The following BRIP1 variants were observed in gnomAD, a reference collection of about 807,000 sequenced individuals.
BRIP1 encodes the protein Fanconi anemia group J protein.
In BRIP1, 88 loss-of-function variants were observed where a neutral mutation model predicts 119.7. The observed-to-expected ratio is 0.74, with a 90% CI of 0.62 to 0.88. The LOEUF (loss-of-function observed/expected upper bound fraction) is 0.88. Ranked by LOEUF, BRIP1 falls within the 40% of genes least tolerant of loss-of-function variation. The pLI is 0.00. For synonymous variants in BRIP1, 443 were observed against 496.5 expected (o/e 0.89, Z 1.43); for missense variants, 1,259 against 1,455.4 (o/e 0.87, Z 2.20).
At chr17:61,719,583 G>C (rs988368701) in intron 16 of BRIP1, among the ~76,000 whole-genome samples, 2 of 151,874 alleles carry the variant, frequency 1.3e-5, no homozygotes, top group Non-Finnish European at 2.9e-5. Flanking sequence ...AAATTAGCCA[G>C]GTGTGGTGGC....
rs934386242 is a variant in BRIP1 at position 61,717,196 on chromosome 17, C to T, written c.2380-1133G>A. On this transcript the variant is annotated intron_variant, in intron 16 of 19. Transcript: ENST00000259008. This position sits in a 1 kb window ranked among gnomAD's most constrained non-coding sequence, Gnocchi z 4.1. The stretch of plus-strand genomic sequence containing the variant: ...GTTAACATCTTATATTACTATAGCT[C>T]ATGTCAAATTAAGAAATTAACATTA... 6.6e-6 allele frequency among the ~76,000 whole-genome samples: 1 copy of T among 152,022 alleles called. No individual in the cohort carries two copies. Among genetic ancestry groups the T allele is most frequent in the African/African-American group, 2.4e-5 (1 of 41,412 alleles).
rs2078761604 is a variant in BRIP1 at position 61,848,113 on chromosome 17, T to C, written c.508-893A>G. 1.3e-5 allele frequency among the ~76,000 whole-genome samples: 2 copies of C among 152,202 alleles called. No individual in the cohort carries two copies. Among genetic ancestry groups the C allele is most frequent in the Non-Finnish European group, 2.9e-5 (2 of 68,030 alleles). ...CTTCAAGAACCTTGAGTATACTCAA[T>C]TAAAAGTACCCAGTTACTTACCTAC... On this transcript the variant is annotated intron_variant, in intron 5 of 19. Transcript: ENST00000259008. This position sits in a 1 kb window ranked among gnomAD's most constrained non-coding sequence, Gnocchi z 4.3.
At chr17:61,787,754 C>T (rs919271556) in intron 10 of BRIP1, among the ~76,000 whole-genome samples, 3 of 152,108 alleles carry the variant, frequency 2.0e-5, no homozygotes, top group African/African-American at 4.8e-5. Context: ...GCGCCATTCT[C>T]CTGCCTCAGC....
At position 61,804,410 on chromosome 17, in the gene BRIP1, ATGTGTGTG is replaced by A. The variant is rs71153405; in HGVS notation, c.919-2944_919-2937del. ...AAGACTTTGAGGCAGCTATATACAT[ATGTGTGTG>A]TGTGTGTGTGTGTGTGTGTGTGTGT... On this transcript the variant is annotated intron_variant, in intron 7 of 19. Coordinates refer to ENST00000259008, the MANE Select transcript of BRIP1 (RefSeq NM_032043.3). This position sits in a 1 kb window ranked among gnomAD's most constrained non-coding sequence, Gnocchi z 4.5. 2.6e-4 allele frequency among the ~76,000 whole-genome samples: 33 copies of A among 125,500 alleles called. No homozygotes were observed. The highest frequency in any genetic ancestry group is 7.3e-4 in the African/African-American group (22 of 30,172). The allele number at this position is 125,500 out of a possible 152,430, so 82.3% of individuals were successfully genotyped here.
In BRIP1 at chr17:61,796,295, G is replaced by A. The variant is rs1374873296; in HGVS notation, c.1341-2566C>T. 6.6e-6 allele frequency among the ~76,000 whole-genome samples: 1 copy of A among 152,068 alleles called. No individual in the cohort carries two copies. Among genetic ancestry groups the A allele is most frequent in the Non-Finnish European group, 1.5e-5 (1 of 67,976 alleles). On this transcript the variant is annotated intron_variant, in intron 9 of 19. Transcript: ENST00000259008. The surrounding 1 kb of genome is among the most constrained non-coding windows in gnomAD (Gnocchi z 4.8). ...CTGTCCATTTTTGCTTTGGTTACCTGTGCTTGTGGGGTATTGCTCAAGAAG... is the reference window on the plus strand; with the variant it reads ...CTGTCCATTTTTGCTTTGGTTACCTATGCTTGTGGGGTATTGCTCAAGAAG...
rs1486532109 is a variant in BRIP1, at chr17:61,689,458, C to T, written c.2576-3293G>A. ...GGGCACCGTCAAGCTGACCAATATACACATTCTGGGAGTCCTAGAAAGAGA... is the reference window on the plus strand; with the variant it reads ...GGGCACCGTCAAGCTGACCAATATATACATTCTGGGAGTCCTAGAAAGAGA... On this transcript the variant is annotated intron_variant, in intron 18 of 19. Coordinates refer to ENST00000259008, the MANE Select transcript of BRIP1 (RefSeq NM_032043.3). This position sits in a 1 kb window ranked among gnomAD's most constrained non-coding sequence, Gnocchi z 4.5. Among the ~76,000 whole-genome samples, 2 of 151,926 alleles carry T rather than the reference C, an allele frequency of 1.3e-5. No individual in the cohort carries two copies. Among genetic ancestry groups the T allele is most frequent in the Non-Finnish European group, 2.9e-5 (2 of 68,004 alleles).
chr17:61,779,426 T>C (rs766215266), intron 13 of BRIP1, among the ~76,000 whole-genome samples: 5 of 151,758 alleles, frequency 3.3e-5, no homozygotes, highest in Non-Finnish European at 5.9e-5. Flanking sequence ...AAAGATAAAG[T>C]CTGGCCAAAA....
In BRIP1 at chr17:61,846,343, C is replaced by T. The variant is rs1303673698; in HGVS notation, c.627+758G>A. ...GTTTTACCCATTCTTGCTTTTGCGC[C>T]ACCAGTACAAATGTCAAGACAATCC... On this transcript the variant is annotated intron_variant, in intron 6 of 19. Coordinates refer to ENST00000259008, the MANE Select transcript of BRIP1 (RefSeq NM_032043.3). This position sits in a 1 kb window ranked among gnomAD's most constrained non-coding sequence, Gnocchi z 4.3. Among the ~76,000 whole-genome samples, 1 of 151,908 alleles carries T rather than the reference C, an allele frequency of 6.6e-6. No individual in the cohort carries two copies. The highest frequency in any genetic ancestry group is 2.4e-5 in the African/African-American group (1 of 41,382).
At chr17:61,765,384 TATA>T (rs2077342471) in intron 14 of BRIP1, among the ~76,000 whole-genome samples, 6 of 21,980 alleles carry the variant, frequency 2.7e-4, no homozygotes, top group Admixed American at 9.0e-4. Context: ...ATATATTATA[TATA>T]TATATATATA....
At chr17:61,716,095 G>A (rs1364712208) in intron 16 of BRIP1, 32 bp from the exon 17 acceptor site, 3 of 1,291,958 alleles carry the variant, frequency 2.3e-6, no homozygotes, top group Non-Finnish European at 3.2e-6. Context: ...TAAAAAATTA[G>A]TAGATAATTA....
Position 61,824,568 on chromosome 17 carries a change from G to GT in BRIP1, c.628-15812dup, listed in dbSNP as rs929961775. Reference sequence around the variant, plus strand: ...AAGACCATTCAATGGGAAAAGAACAGTTTTTTCAACAAATGGTGCAGGGAA... The same window carrying GT: ...AAGACCATTCAATGGGAAAAGAACAGTTTTTTTCAACAAATGGTGCAGGGAA... On this transcript the variant is annotated intron_variant, in intron 6 of 19. Coordinates refer to ENST00000259008, the MANE Select transcript of BRIP1 (RefSeq NM_032043.3). The surrounding 1 kb of genome is among the most constrained non-coding windows in gnomAD (Gnocchi z 4.3). Among the ~76,000 whole-genome samples, 1 of 152,054 alleles carries GT rather than the reference G, an allele frequency of 6.6e-6. No homozygotes were observed. The highest frequency in any genetic ancestry group is 2.4e-5 in the African/African-American group (1 of 41,408).
Position 61,748,072 on chromosome 17 carries a change from C to T in BRIP1, c.2098-3481G>A, listed in dbSNP as rs1356176680. The stretch of plus-strand genomic sequence containing the variant: ...ACATTTAAAGCAGGGGTCCCCAACC[C>T]CCAGGCCACAGAATACTGGTAGAAT... On this transcript the variant is annotated intron_variant, in intron 14 of 19. Transcript: ENST00000259008. The surrounding 1 kb of genome is among the most constrained non-coding windows in gnomAD (Gnocchi z 4.7). Among the ~76,000 whole-genome samples, 2 of 152,028 alleles carry T rather than the reference C, an allele frequency of 1.3e-5. No homozygotes were observed. The highest frequency in any genetic ancestry group is 3.9e-4 in the East Asian group (2 of 5,186).
rs1236532946 is a variant in BRIP1, at chr17:61,722,654, A to ACATTATAGTGGTCACTGTTC, written c.2380-6611_2380-6592dup. ...TTTCCTACACCATGGACAGACTGAT[A>ACATTATAGTGGTCACTGTTC]CATTATAGTGGTCACTGTTCCGAAG... On this transcript the variant is annotated intron_variant, in intron 16 of 19. Transcript: ENST00000259008. The surrounding 1 kb of genome is among the most constrained non-coding windows in gnomAD (Gnocchi z 4.6). Among the ~76,000 whole-genome samples the ACATTATAGTGGTCACTGTTC allele has an allele frequency of 6.6e-6, 1 of 152,202 alleles. No individual in the cohort carries two copies. Among genetic ancestry groups the ACATTATAGTGGTCACTGTTC allele is most frequent in the African/African-American group, 2.4e-5 (1 of 41,454 alleles).
intron 17 of BRIP1, among the ~76,000 whole-genome samples, chr17:61,702,905 C>T (rs1300024118): frequency 6.6e-6 from 1 of 151,232 alleles, no homozygotes; most frequent in Admixed American, 6.6e-5. Context: ...AGTGGCTGAA[C>T]TAATTTACAT....
At position 61,805,504 on chromosome 17, in the gene BRIP1, GC is replaced by G. The variant is rs942310150; in HGVS notation, c.918+2962del. 4.6e-5 allele frequency among the ~76,000 whole-genome samples: 7 copies of G among 152,120 alleles called. No individual in the cohort carries two copies. Among genetic ancestry groups the G allele is most frequent in the Non-Finnish European group, 7.4e-5 (5 of 68,016 alleles). Reference sequence around the variant, plus strand: ...TTTTGTTTCTAGTGTAACCAAAATAGCAATGGATGAGGAATCAGAAAATTTG... The same window carrying G: ...TTTTGTTTCTAGTGTAACCAAAATAGAATGGATGAGGAATCAGAAAATTTG... On this transcript the variant is annotated intron_variant, in intron 7 of 19. Coordinates refer to ENST00000259008, the MANE Select transcript of BRIP1 (RefSeq NM_032043.3). The surrounding 1 kb of genome is among the most constrained non-coding windows in gnomAD (Gnocchi z 5.6).
At position 61,857,223 on chromosome 17, in the gene BRIP1, C is replaced by T. The variant is rs1357919929; in HGVS notation, c.214G>A (p.Ala72Thr). The change falls in exon 4 of 20, where the codon GCA becomes ACA. Residue 72 changes from alanine to threonine, a missense_variant. Physicochemically the swap from Ala to Thr is moderately conservative, Grantham distance 58. Around this residue, in one of 3 missense-constraint regions of BRIP1, gnomAD observed 501 missense variants for 544.0 expected, o/e 0.92. Transcript: ENST00000259008. This position sits in a 1 kb window ranked among gnomAD's most constrained non-coding sequence, Gnocchi z 5.1. ...AWQQSLSGKP[A>T]DEGVSEKAEV... ...GCTTTTTCACTTACGCCCTCATCTG[C>T]TGGTTTCCCTAAAAATGAAAGAACA... 3 of 1,613,210 alleles carry T rather than the reference C, an allele frequency of 1.9e-6. No individual in the cohort carries two copies. Among genetic ancestry groups the T allele is most frequent in the Admixed American group, 3.3e-5 (2 of 60,004 alleles).
chr17:61,856,383 T>C lies in BRIP1; in HGVS notation c.379+675A>G, dbSNP rs965774341. 1.3e-5 allele frequency among the ~76,000 whole-genome samples: 2 copies of C among 152,292 alleles called. No homozygotes were observed. Among genetic ancestry groups the C allele is most frequent in the Admixed American group, 6.5e-5 (1 of 15,284 alleles). ...TGAGTAAAAGCAGAAAAAAGCGTTA[T>C]TGGATGCTCTAAACAAGAAATGGTA... On this transcript the variant is annotated intron_variant, in intron 4 of 19. Coordinates refer to ENST00000259008, the MANE Select transcript of BRIP1 (RefSeq NM_032043.3). The surrounding 1 kb of genome is among the most constrained non-coding windows in gnomAD (Gnocchi z 5.1).
intron 14 of BRIP1, among the ~76,000 whole-genome samples, chr17:61,747,384 A>G (rs919630486): frequency 4.6e-5 from 7 of 152,102 alleles, no homozygotes; most frequent in African/African-American, 1.7e-4. Context: ...TGAAAAGATC[A>G]ACAGAATTGA....
chr17:61,696,489 C>A (rs1254418976), intron 17 of BRIP1, among the ~76,000 whole-genome samples: 1 of 151,986 alleles, frequency 6.6e-6, no homozygotes, highest in Non-Finnish European at 1.5e-5. Flanking sequence ...GTAAATATTT[C>A]TCTCCCATTT....
Sources: gnomAD v4.1 joint callset for allele counts (sites outside exome capture counted in the v4.1 genomes callset) on GRCh38, gnomAD v4.1.1 for gene constraint, gnomAD v4.1.1 regional missense constraint, Gnocchi (gnomAD v3.1) non-coding constraint, MANE v1.5 for transcripts, NCBI Gene and HGNC (gene_info 2026-07-23, HGNC 2026-07-21) for gene names.